Variants in GRIN2B observed in about 807,000 individuals in gnomAD.
GRIN2B encodes glutamate receptor ionotropic, NMDA 2B.
In GRIN2B, 5 loss-of-function variants were observed where a neutral mutation model predicts 114.5. The ratio of observed to expected loss-of-function variants is 0.04; its 90% CI spans 0.02 to 0.09. The LOEUF (loss-of-function observed/expected upper bound fraction) is 0.09, where lower values mean the gene tolerates loss of function less well. GRIN2B is among the 10% of genes least tolerant of loss of function. The probability of loss-of-function intolerance (pLI) is 1.00; values close to 1 mark genes in which losing one functional copy is unlikely to be tolerated. For synonymous variants in GRIN2B, 787 were observed against 745.1 expected (o/e 1.06, Z -0.92); for missense variants, 1,108 against 1,943.5 (o/e 0.57, Z 8.08).
At chr12:13,846,706 A>G (rs1418612999) in intron 3 of GRIN2B, among the ~76,000 whole-genome samples, 1 of 152,234 alleles carries the variant, frequency 6.6e-6, no homozygotes, top group Non-Finnish European at 1.5e-5. Flanking sequence ...ACAGTGAATG[A>G]CAGGGAGGAA....
chr12:13,573,579 ATTAGTACAGC>A (rs1948734323), intron 10 of GRIN2B, among the ~76,000 whole-genome samples: 1 of 125,468 alleles, frequency 8.0e-6, no homozygotes, highest in Non-Finnish European at 1.8e-5. Flanking sequence ...TTCTTATTCT[ATTAGTACAGC>A]AATGATCATT....
intron 2 of GRIN2B, among the ~76,000 whole-genome samples, chr12:13,916,655 C>G (rs1283188695): frequency 6.6e-6 from 1 of 151,412 alleles, no homozygotes; most frequent in African/African-American, 2.4e-5. Flanking sequence ...CGAGACCAGC[C>G]TGGGCAGCAA....
chr12:13,821,296 GAGTA>G (rs917779826), intron 3 of GRIN2B, among the ~76,000 whole-genome samples: 5 of 152,140 alleles, frequency 3.3e-5, no homozygotes, highest in African/African-American at 1.2e-4. Flanking sequence ...CCAAGCAATA[GAGTA>G]AAGGTGGATC....
At chr12:13,914,298 C>G (rs1866673619) in intron 2 of GRIN2B, among the ~76,000 whole-genome samples, 1 of 152,160 alleles carries the variant, frequency 6.6e-6, no homozygotes, top group African/African-American at 2.4e-5. Context: ...AGCTTGCACC[C>G]TTTTCCATGG....
At chr12:13,577,520 G>T (rs375001288) in intron 10 of GRIN2B, among the ~76,000 whole-genome samples, 1 of 152,114 alleles carries the variant, frequency 6.6e-6, no homozygotes. Context: ...CCACCTCCCC[G>T]CTAGAGAGCT....
chr12:13,713,637 T>C (rs1308290378), intron 4 of GRIN2B, among the ~76,000 whole-genome samples: 2 of 151,908 alleles, frequency 1.3e-5, no homozygotes, highest in African/African-American at 4.8e-5. Context: ...GAACAAAAAT[T>C]CTACAAGGGA....
chr12:13,950,130 T>C (rs1056875562), intron 2 of GRIN2B, among the ~76,000 whole-genome samples: 2 of 152,210 alleles, frequency 1.3e-5, no homozygotes, highest in Admixed American at 6.5e-5. Flanking sequence ...AAGGAATGGT[T>C]TTATACGCAG....
At chr12:13,942,700 A>G (rs1000252090) in intron 2 of GRIN2B, among the ~76,000 whole-genome samples, 2 of 152,182 alleles carry the variant, frequency 1.3e-5, no homozygotes, top group African/African-American at 4.8e-5. Context: ...ACAAACTACT[A>G]ATGTATATAA....
chr12:13,601,792 G>T (rs1182023599), intron 10 of GRIN2B, among the ~76,000 whole-genome samples: 1 of 152,164 alleles, frequency 6.6e-6, no homozygotes, highest in Non-Finnish European at 1.5e-5. Context: ...TCAACTCCGG[G>T]TCATCTGCCC....
At chr12:13,589,333 T>G (rs1357461140) in intron 10 of GRIN2B, among the ~76,000 whole-genome samples, 1 of 152,172 alleles carries the variant, frequency 6.6e-6, no homozygotes, top group East Asian at 1.9e-4. Context: ...GAATCCAAGT[T>G]GAACAAGGGG....
At chr12:13,919,296 T>C (rs114496675) in intron 2 of GRIN2B, among the ~76,000 whole-genome samples, 6 of 152,310 alleles carry the variant, frequency 3.9e-5, no homozygotes, top group Admixed American at 2.6e-4. Context: ...CCATATATCA[T>C]GTACGTAAAA....
intron 5 of GRIN2B, among the ~76,000 whole-genome samples, chr12:13,634,806 C>G (rs1949653535): frequency 6.6e-6 from 1 of 152,196 alleles, no homozygotes; most frequent in Admixed American, 6.5e-5. Context: ...TTGTTTCTCA[C>G]TATCACAGTA....
intron 2 of GRIN2B, among the ~76,000 whole-genome samples, chr12:13,947,908 C>T (rs1233918157): frequency 1.3e-5 from 2 of 152,164 alleles, no homozygotes; most frequent in Non-Finnish European, 2.9e-5. Context: ...GTTTACTGTC[C>T]TGTCCCAGAA....
chr12:13,577,210 C>T (rs1298061852), intron 10 of GRIN2B, among the ~76,000 whole-genome samples: 1 of 152,216 alleles, frequency 6.6e-6, no homozygotes. Context: ...TGCCAATTCC[C>T]ATCCTTCCCA....
chr12:13,912,225 T>A (rs1866637466), intron 2 of GRIN2B, among the ~76,000 whole-genome samples: 1 of 152,058 alleles, frequency 6.6e-6, no homozygotes, highest in Non-Finnish European at 1.5e-5. Context: ...ATCTAAAAAC[T>A]CTGTGCAGTG....
At chr12:13,671,008 T>A (rs993542558) in intron 5 of GRIN2B, among the ~76,000 whole-genome samples, 5 of 151,950 alleles carry the variant, frequency 3.3e-5, no homozygotes, top group African/African-American at 1.2e-4. Flanking sequence ...TTCAGAGGAG[T>A]ACATAAGAAA....
At chr12:13,932,164 A>G (rs1867045485) in intron 2 of GRIN2B, among the ~76,000 whole-genome samples, 1 of 152,116 alleles carries the variant, frequency 6.6e-6, no homozygotes, top group South Asian at 2.1e-4. Context: ...AATCACATTG[A>G]CTGTCTAGCT....
At chr12:13,941,481 C>G (rs35881014) in intron 2 of GRIN2B, among the ~76,000 whole-genome samples, 1 of 151,988 alleles carries the variant, frequency 6.6e-6, no homozygotes, top group Non-Finnish European at 1.5e-5. Flanking sequence ...AGGTGAGGAA[C>G]GGGATTGGGT....
chr12:13,859,425 G>C (rs898855328), intron 3 of GRIN2B, among the ~76,000 whole-genome samples: 5 of 152,224 alleles, frequency 3.3e-5, no homozygotes, highest in Admixed American at 1.3e-4. Flanking sequence ...AAGACAGGAT[G>C]TGCTGGCCAA....
Sources: allele counts gnomAD v4.1 joint callset (sites outside exome capture counted in the v4.1 genomes callset), GRCh38; gene constraint gnomAD v4.1.1; transcripts MANE v1.5; gene names NCBI Gene and HGNC (gene_info 2026-07-23, HGNC 2026-07-21).